The following MFSD8 variants were observed in gnomAD, a reference collection of about 807,000 sequenced individuals.
MFSD8 encodes major facilitator superfamily domain containing 8, also known as major facilitator superfamily domain-containing protein 8.
MFSD8 carries 55 observed loss-of-function variants against 66.4 expected under a neutral mutation model. The ratio of observed to expected loss-of-function variants is 0.83; its 90% CI spans 0.67 to 1.04. The LOEUF (loss-of-function observed/expected upper bound fraction) is 1.04. Ranked by LOEUF, MFSD8 falls within the 50% of genes least tolerant of loss-of-function variation. The probability of loss-of-function intolerance (pLI) is 0.00; values close to 1 mark genes in which losing one functional copy is unlikely to be tolerated. For synonymous variants in MFSD8, 202 were observed against 212.8 expected (o/e 0.95, Z 0.44); for missense variants, 550 against 627.6 (o/e 0.88, Z 1.32).
intron 9 of MFSD8, among the ~76,000 whole-genome samples, chr4:127,929,002 T>C (rs1737662589): frequency 6.6e-6 from 1 of 152,092 alleles, no homozygotes; most frequent in African/African-American, 2.4e-5. Flanking sequence ...AATTATCACA[T>C]GTTCTCACTC....
chr4:127,947,929 A>G (rs1291718732), intron 3 of MFSD8, among the ~76,000 whole-genome samples: 1 of 151,876 alleles, frequency 6.6e-6, no homozygotes, highest in Non-Finnish European at 1.5e-5. Flanking sequence ...AAAAACCAAC[A>G]AGGGATAAAC....
Position 127,947,347 on chromosome 4 carries a change from G to A in MFSD8, c.198+2457C>T, listed in dbSNP as rs138763490. Among the ~76,000 whole-genome samples the A allele has an allele frequency of 1.2e-4, 18 of 152,204 alleles. No individual in the cohort carries two copies. The East Asian group carries it at 1.9e-3, about 16-fold the overall frequency. On this transcript the variant is annotated intron_variant, in intron 3 of 11. Transcript: ENST00000641686. ...GGAAATCCCAGCACTTTGGGAGGCC[G>A]AGGTGGGTGGACCACCTGAGGTCAG...
chr4:127,964,496 TG>T (rs1395869764), intron 1 of MFSD8, among the ~76,000 whole-genome samples: 1 of 152,178 alleles, frequency 6.6e-6, no homozygotes, highest in Non-Finnish European at 1.5e-5. Flanking sequence ...AGCCCCTCAT[TG>T]CCCGGGGCCG....
At chr4:127,935,005 C>A (rs529933198) in intron 7 of MFSD8, among the ~76,000 whole-genome samples, 139 of 152,142 alleles carry the variant, frequency 9.1e-4, no homozygotes, top group African/African-American at 3.3e-3. Context: ...ATAATAATGC[C>A]TGCTTTTCTA....
chr4:127,949,867 G>A lies in MFSD8; in HGVS notation c.155-20C>T, dbSNP rs2148944010. ...AAAACCCTGTGAAGAAGCAAACTAG[G>A]TTATTTATACTTATAATAATTTAAT... On this transcript the variant is annotated intron_variant, in intron 2 of 11. Coordinates refer to ENST00000641686, the MANE Select transcript of MFSD8 (RefSeq NM_001371596.2). 2 of 1,594,694 alleles carry A rather than the reference G, an allele frequency of 1.3e-6. No homozygotes were observed.
At chr4:127,942,010 T>A (rs1740271892) in intron 5 of MFSD8, 35 bp downstream of exon 5, 11 of 1,528,346 alleles carry the variant, frequency 7.2e-6, no homozygotes, top group Non-Finnish European at 9.1e-6. Flanking sequence ...TTTTCCCAAT[T>A]CAAATTCAAG....
rs1299638243 is a variant in MFSD8 at position 127,920,795 on chromosome 4, G to C, written c.1392C>G (p.Ala464=). 6.2e-7 allele frequency: 1 copy of C among 1,614,028 alleles called. No homozygotes were observed. The highest frequency in any genetic ancestry group is 8.5e-7 in the Non-Finnish European group (1 of 1,180,016). ...TGATGAACATAGGCCCAAGAATCCG[G>C]GCTCCACTTCCAGATGCTGTTAACC... is the stretch of plus-strand genomic sequence containing the variant. ...MGWLTASGSG[A]RILGPMFISQ... is the part of the protein sequence containing the mutation. Residue 464 remains alanine, a synonymous_variant, in exon 12 of 12, where the codon GCC becomes GCG. Coordinates refer to ENST00000641686, the MANE Select transcript of MFSD8 (RefSeq NM_001371596.2).
At chr4:127,941,404 A>G (rs1740166496) in intron 5 of MFSD8, among the ~76,000 whole-genome samples, 1 of 152,228 alleles carries the variant, frequency 6.6e-6, no homozygotes, top group Admixed American at 6.5e-5. Context: ...TATTCTAGGC[A>G]TGAAAATGAC....
intron 8 of MFSD8, among the ~76,000 whole-genome samples, chr4:127,931,189 AATGTT>A (rs1259853646): frequency 2.0e-5 from 3 of 152,182 alleles, no homozygotes; most frequent in Admixed American, 2.0e-4. Flanking sequence ...TCAATGCAAT[AATGTT>A]ATATTAAGTT....
intron 2 of MFSD8, among the ~76,000 whole-genome samples, chr4:127,955,338 C>T (rs1273904377): frequency 6.6e-6 from 1 of 151,956 alleles, no homozygotes; most frequent in Non-Finnish European, 1.5e-5. Context: ...GTCAGGAGTT[C>T]AAGACCAGCC....
chr4:127,921,089 AC>A, intron 11 of MFSD8: 2 of 570,258 alleles, frequency 3.5e-6, no homozygotes, highest in South Asian at 2.2e-5. Context: ...TGATTAAAAT[AC>A]CTTTTAAAGC....
Position 127,920,321 on chromosome 4 carries a change from A to C in MFSD8, c.*309T>G. Reference sequence around the variant, plus strand: ...TAATGACACTTCTGCAGTGGGTATTAAGAATACAGCTTCACATTTATTCAT... The same window carrying C: ...TAATGACACTTCTGCAGTGGGTATTCAGAATACAGCTTCACATTTATTCAT... On this transcript the variant is annotated 3_prime_UTR_variant, in exon 12 of 12. Transcript: ENST00000641686. 2.7e-6 allele frequency: 1 copy of C among 373,846 alleles called. No homozygotes were observed. Among genetic ancestry groups the C allele is most frequent in the Admixed American group, 3.8e-5 (1 of 26,650 alleles). The allele number at this position is 373,846 out of a possible 1,614,324, so 23.2% of individuals were successfully genotyped here. A position where few individuals can be genotyped will look rare whatever the true frequency, so the allele number is the denominator to read the frequency against.
intron 2 of MFSD8, among the ~76,000 whole-genome samples, chr4:127,954,113 C>T (rs1227585014): frequency 6.6e-6 from 1 of 152,108 alleles, no homozygotes; most frequent in East Asian, 1.9e-4. Context: ...ATTGATCATT[C>T]CTATATATTC....
At chr4:127,924,561 C>G (rs982458796) in intron 9 of MFSD8, among the ~76,000 whole-genome samples, 1 of 152,090 alleles carries the variant, frequency 6.6e-6, no homozygotes, top group Non-Finnish European at 1.5e-5. Flanking sequence ...TCAAGGAGAA[C>G]TACAAACCAC....
rs969935105 is a variant in MFSD8 at position 127,921,021 on chromosome 4, TAAA to T, written c.1351-188_1351-186del. 3.8e-5 allele frequency: 24 copies of T among 628,166 alleles called. 1 individual carries two copies. In the Admixed American group the frequency reaches 4.2e-4, roughly 11 times the overall value. The allele number at this position is 628,166 out of a possible 1,614,324, so 38.9% of individuals were successfully genotyped here. ...TAATATTAAGTCAGATTAAAAAAAA[TAAA>T]AGGAGTGTAAAGGGAAAAACTTACT... On this transcript the variant is annotated intron_variant, in intron 11 of 11. Transcript: ENST00000641686.
chr4:127,942,524 C>T (rs929086982), intron 4 of MFSD8, among the ~76,000 whole-genome samples: 1 of 151,654 alleles, frequency 6.6e-6, no homozygotes, highest in South Asian at 2.1e-4. Context: ...GGTGAAACCC[C>T]GTCTCTATTA....
In MFSD8 at chr4:127,943,648, T is replaced by C. The variant is rs7658443; in HGVS notation, c.439+104A>G. The C allele has an allele frequency of 6.0e-4, 831 of 1,376,812 alleles. 8 individuals carry two copies. In the African/African-American group the frequency reaches 0.011, roughly 18 times the overall value. The allele number at this position is 1,376,812 out of a possible 1,614,324, so 85.3% of individuals were successfully genotyped here. A position where few individuals can be genotyped will look rare whatever the true frequency, so the allele number is the denominator to read the frequency against. On this transcript the variant is annotated intron_variant, in intron 4 of 11. Coordinates refer to ENST00000641686, the MANE Select transcript of MFSD8 (RefSeq NM_001371596.2). ...ACAATGAGAAACATGTATGTTGAACTGTGAAATATGAGTTTAAAAGGGGAT... is the reference window on the plus strand; with the variant it reads ...ACAATGAGAAACATGTATGTTGAACCGTGAAATATGAGTTTAAAAGGGGAT...
upstream of MFSD8, chr4:127,965,256 G>A (rs1744885781): frequency 4.7e-6 from 6 of 1,285,652 alleles, no homozygotes; most frequent in South Asian, 3.8e-5. Flanking sequence ...ACGGTCAGAC[G>A]TAGGCGGAAC....
chr4:127,946,924 C>A (rs1017780700), intron 3 of MFSD8, among the ~76,000 whole-genome samples: 48 of 149,882 alleles, frequency 3.2e-4, no homozygotes, highest in Non-Finnish European at 8.9e-5. Flanking sequence ...ACAAAAAAAA[C>A]CACAAAAATT....
Sources: gnomAD v4.1 joint callset for allele counts (sites outside exome capture counted in the v4.1 genomes callset) on GRCh38, gnomAD v4.1.1 for gene constraint, MANE v1.5 for transcripts, NCBI Gene and HGNC (gene_info 2026-07-23, HGNC 2026-07-21) for gene names.